The following KRT7 variants were observed in gnomAD, a reference collection of about 807,000 sequenced individuals.
KRT7 encodes keratin 7.
In KRT7, 50 loss-of-function variants were observed where a neutral mutation model predicts 42.8. The ratio of observed to expected loss-of-function variants is 1.17; its 90% confidence interval spans 0.93 to 1.48. KRT7 has a LOEUF of 1.48. KRT7 is among the 40% of genes most tolerant of loss of function. The pLI is 0.00. For synonymous variants in KRT7, 268 were observed against 266.3 expected, an observed-to-expected ratio of 1.01 and a Z score of -0.06; for missense variants, 588 against 637.6, an observed-to-expected ratio of 0.92 and a Z score of 0.84.
At chr12:52,252,798 C>A (rs2121132130), downstream of KRT7, among the ~76,000 whole-genome samples, 1 of 152,348 alleles carries the variant, frequency 6.6e-6, no homozygotes, top group Non-Finnish European at 1.5e-5. Flanking sequence ...TAGTCCCTAT[C>A]ATACCCAAGT....
chr12:52,248,545 G>A (rs775216666), intron 8 of KRT7, 46 bp from the exon 9 acceptor site: 7 of 1,518,760 alleles, frequency 4.6e-6, no homozygotes, highest in Non-Finnish European at 6.2e-6. Context: ...GGGGTCCCTG[G>A]TAGGGAGCCT....
intron 3 of KRT7, chr12:52,237,794 G>C: frequency 5.2e-6 from 2 of 383,906 alleles, no homozygotes; most frequent in East Asian, 7.9e-5. Flanking sequence ...TAGGCCTCTA[G>C]GGGTTAGAAC....
At chr12:52,244,729 G>T in intron 6 of KRT7, 1 of 747,860 alleles carries the variant, frequency 1.3e-6, no homozygotes, top group South Asian at 6.0e-5. Flanking sequence ...TAAAGCAGAG[G>T]GCACTCTAAG....
At chr12:52,250,804 C>T (rs1471750068), downstream of KRT7, among the ~76,000 whole-genome samples, 2 of 152,202 alleles carry the variant, frequency 1.3e-5, no homozygotes, top group Non-Finnish European at 2.9e-5. Context: ...TAGCCCAGGT[C>T]CTCTCTATAG....
At chr12:52,233,905 G>T (rs986680735) in intron 1 of KRT7, among the ~76,000 whole-genome samples, 2 of 152,152 alleles carry the variant, frequency 1.3e-5, no homozygotes, top group East Asian at 1.9e-4. Context: ...GCCCTCGCTG[G>T]CTGCCTGTTG....
chr12:52,245,849 T>C (rs149597949), intron 7 of KRT7: 274 of 617,648 alleles, frequency 4.4e-4, no homozygotes, highest in African/African-American at 4.4e-3. Context: ...AGTGGGCAGG[T>C]TGAAATGATA....
Position 52,248,764 on chromosome 12 carries a change from G to A in KRT7, c.*4G>A, listed in dbSNP as rs377129916. ...TCGCAGGAGTGCCCGCGACTGAGCC[G>A]CCTCCCACCACTCCACTCCTCCAGC... On this transcript the variant is annotated 3_prime_UTR_variant, in exon 9 of 9. Transcript: ENST00000331817. The A allele has an allele frequency of 1.7e-5, 26 of 1,542,518 alleles. No individual in the cohort carries two copies. The highest frequency in any genetic ancestry group is 8.5e-5 in the South Asian group (7 of 82,140).
rs151098425 is a variant in KRT7 at position 52,243,673 on chromosome 12, C to A, written c.984+536C>A. 85 of 152,696 alleles carry A rather than the reference C, an allele frequency of 5.6e-4. 1 individual carries two copies. Among genetic ancestry groups the A allele is most frequent in the Middle Eastern group, 3.4e-3 (1 of 294 alleles). The allele number at this position is 152,696 out of a possible 1,614,324, so 9.5% of individuals were successfully genotyped here. The stretch of plus-strand genomic sequence containing the variant: ...TGCCTCCCCCTGGAATGTGGTTCTC[C>A]CAGCTCTGTCCATGGTTGTTGTTTT... On this transcript the variant is annotated intron_variant, in intron 6 of 8. Transcript: ENST00000331817.
At chr12:52,252,315 G>A (rs749278444), downstream of KRT7, 39 of 1,614,024 alleles carry the variant, frequency 2.4e-5, no homozygotes, top group Admixed American at 1.2e-4. Context: ...CAAAGTCCAG[G>A]CCAGCTTGGA....
At chr12:52,237,724 G>GTT in intron 3 of KRT7, 155 bp downstream of exon 3, 31 of 527,618 alleles carry the variant, frequency 5.9e-5, no homozygotes, top group Non-Finnish European at 8.6e-5. Flanking sequence ...GTGGGTGCGT[G>GTT]TATGTGTGTG....
chr12:52,250,480 C>G (rs974947275), downstream of KRT7: 4 of 632,796 alleles, frequency 6.3e-6, no homozygotes, highest in East Asian at 1.3e-4. Context: ...GCGAAGCGCA[C>G]GGAGCGGCCG....
downstream of KRT7, chr12:52,251,761 C>G (rs1942269616): frequency 2.8e-6 from 1 of 352,628 alleles, no homozygotes; most frequent in East Asian, 7.4e-5. Context: ...CTGCCCCACT[C>G]CATCTTTCCT....
intron 1 of KRT7, among the ~76,000 whole-genome samples, chr12:52,234,198 A>G (rs113918140): frequency 0.013 from 1,840 of 145,824 alleles, 35 homozygotes; most frequent in African/African-American, 0.044. Flanking sequence ...TGGCAGGAGG[A>G]GAGGTTATAC....
At position 52,233,525 on chromosome 12, in the gene KRT7, C is replaced by A. The variant is rs1180888922; in HGVS notation, c.229C>A (p.Arg77=). ...TAACCAGAGCCTGCTGGCCCCGCTGCGGCTGGACGCCGACCCCTCCCTCCA... is the reference window on the plus strand; with the variant it reads ...TAACCAGAGCCTGCTGGCCCCGCTGAGGCTGGACGCCGACCCCTCCCTCCA... The part of the protein sequence containing the change: ...TINQSLLAPL[R]LDADPSLQRV... Residue 77 remains arginine (R), a synonymous_variant, in exon 1 of 9, where the codon CGG becomes AGG. Transcript: ENST00000331817. 1 of 1,613,074 alleles carries A rather than the reference C, an allele frequency of 6.2e-7. No homozygotes were observed. The highest frequency in any genetic ancestry group is 8.5e-7 in the Non-Finnish European group (1 of 1,179,794).
chr12:52,237,438 T>G, intron 2 of KRT7, 71 bp from the exon 3 acceptor site: 2 of 1,114,282 alleles, frequency 1.8e-6, no homozygotes, highest in Non-Finnish European at 2.6e-6. Flanking sequence ...ATTTCACAGC[T>G]GCATATGGCG....
At chr12:52,250,684 A>G (rs947574841), downstream of KRT7, 8 of 604,490 alleles carry the variant, frequency 1.3e-5, no homozygotes, top group Admixed American at 1.5e-4. Context: ...TGGCGGCCAG[A>G]GGCCCCTTCT....
rs1412480740 is a variant in KRT7 at position 52,234,711 on chromosome 12, T to C, written c.325-444T>C. Among the ~76,000 whole-genome samples, 4 of 152,130 alleles carry C rather than the reference T, an allele frequency of 2.6e-5. No individual in the cohort carries two copies. In the East Asian group the frequency reaches 7.8e-4, roughly 29 times the overall value. The stretch of plus-strand genomic sequence containing the variant: ...GCTCCAGGCTGGGGTCATTTTACCA[T>C]GGATTGACTGTCCTGAGGCCTTGCT... On this transcript the variant is annotated intron_variant, in intron 1 of 8. Coordinates refer to ENST00000331817, the MANE Select transcript of KRT7 (RefSeq NM_005556.4).
intron 4 of KRT7, among the ~76,000 whole-genome samples, chr12:52,240,971 G>C (rs1331655323): frequency 2.9e-5 from 4 of 137,422 alleles, no homozygotes; most frequent in African/African-American, 1.1e-4. Context: ...TCCCCGCCCT[G>C]TGCCCAAGTG....
In KRT7 at chr12:52,245,546, T is replaced by A; in HGVS notation, c.1119T>A (p.Arg373=). 1 of 1,614,180 alleles carries A rather than the reference T, an allele frequency of 6.2e-7. No homozygotes were observed. The change falls in exon 7 of 9, where the codon CGT becomes CGA. Residue 373 remains arginine (R), a synonymous_variant. Transcript: ENST00000331817. ...RGKQDMARQL[R]EYQELMSVKL... ...AGCAGGATATGGCACGGCAGCTGCG[T>A]GAGTACCAGGAACTCATGAGCGTGA...
Sources: allele counts gnomAD v4.1 joint callset (sites outside exome capture counted in the v4.1 genomes callset), GRCh38; gene constraint gnomAD v4.1.1; transcripts MANE v1.5; gene names NCBI Gene and HGNC (gene_info 2026-07-23, HGNC 2026-07-21).